The following ARHGAP40 variants were observed in gnomAD, a reference collection of about 807,000 sequenced individuals.
ARHGAP40 encodes the protein rho GTPase-activating protein 40.
ARHGAP40 carries 43 observed loss-of-function variants against 73.5 expected under a neutral mutation model. The observed-to-expected ratio is 0.58, with a 90% confidence interval of 0.46 to 0.75. The LOEUF is 0.75. Among genes scored for constraint, ARHGAP40 ranks in the 30% least tolerant of loss-of-function variants. ARHGAP40 has a pLI of 0.00. For synonymous variants in ARHGAP40, 300 were observed against 352.8 expected (o/e 0.85, Z 1.68); for missense variants, 734 against 861.8 (o/e 0.85, Z 1.86).
rs1214271136 is a variant in ARHGAP40, at chr20:38,629,665, C to T, written c.783+15C>T. 5.4e-6 allele frequency: 7 copies of T among 1,304,682 alleles called. No individual in the cohort carries two copies. The highest frequency in any genetic ancestry group is 5.6e-5 in the East Asian group (1 of 18,008). The allele number at this position is 1,304,682 out of a possible 1,614,324, so 80.8% of individuals were successfully genotyped here. On this transcript the variant is annotated intron_variant, in intron 5 of 14. Transcript: ENST00000373345. ...GTTCCCTGCCGGTGAGGATGCTGTC[C>T]ACAGGGCTGGTTGGCTAGGTCCCCC...
chr20:38,611,863 C>G (rs543152760), intron 1 of ARHGAP40, among the ~76,000 whole-genome samples: 31 of 151,910 alleles, frequency 2.0e-4, no homozygotes, highest in Admixed American at 1.2e-3. Flanking sequence ...CACGAGCCAC[C>G]GTGCCTGGCC....
chr20:38,643,861 C>T lies in ARHGAP40; in HGVS notation c.1520C>T (p.Ala507Val). 7.7e-7 allele frequency: 1 copy of T among 1,305,288 alleles called. No individual in the cohort carries two copies. Among genetic ancestry groups the T allele is most frequent in the South Asian group, 1.2e-5 (1 of 81,022 alleles). 80.9% of individuals were successfully genotyped at this position (1,305,288 alleles called of 1,614,324 possible). A position where few individuals can be genotyped will look rare whatever the true frequency, so the allele number is the denominator to read the frequency against. ...AAGGAGAAGCAGCTGGCAGAAGGGGCAGCCGAGGTGGTGCAGATAATGGTG... is the reference window on the plus strand; with the variant it reads ...AAGGAGAAGCAGCTGGCAGAAGGGGTAGCCGAGGTGGTGCAGATAATGGTG... Residue 507 changes from alanine to valine, a missense_variant, in exon 11 of 15, where the codon GCA becomes GTA. Ala to Val is a moderately conservative substitution (Grantham distance 64, BLOSUM62 0). Coordinates refer to ENST00000373345, the Ensembl canonical transcript of ARHGAP40.
Position 38,646,274 on chromosome 20 carries a change from C to T in ARHGAP40, c.1710+87C>T, listed in dbSNP as rs2089052741. On this transcript the variant is annotated intron_variant, in intron 12 of 14. Coordinates refer to ENST00000373345, the Ensembl canonical transcript of ARHGAP40. The surrounding 1 kb of genome is among the most constrained non-coding windows in gnomAD (Gnocchi z 4.5). ...CGCGGTGCTTCCCTTCCTCCAGGTC[C>T]CCGCTACCGGGCTGCCAGCAACGGC... The T allele has an allele frequency of 1.7e-6, 2 of 1,188,782 alleles. No individual in the cohort carries two copies. Among genetic ancestry groups the T allele is most frequent in the African/African-American group, 3.2e-5 (2 of 62,640 alleles). 73.6% of individuals were successfully genotyped at this position (1,188,782 alleles called of 1,614,324 possible).
At chr20:38,608,053 A>G (rs1205491368) in intron 1 of ARHGAP40, among the ~76,000 whole-genome samples, 1 of 152,088 alleles carries the variant, frequency 6.6e-6, no homozygotes, top group Non-Finnish European at 1.5e-5. Context: ...GACATTTTTT[A>G]TAGTGTCTTT....
At chr20:38,602,965 A>T (rs2088744375) in intron 1 of ARHGAP40, among the ~76,000 whole-genome samples, 1 of 152,266 alleles carries the variant, frequency 6.6e-6, no homozygotes, top group Admixed American at 6.5e-5. Flanking sequence ...GCAATACAGC[A>T]ATGAACATCT....
chr20:38,641,731 C>A lies in ARHGAP40; in HGVS notation c.1285C>A (p.Pro429Thr). Reference sequence around the variant, plus strand: ...AGGTCCCTCCCTTCCCGCAGACATCCCCAACCTGAAGCAGCGCCTGCAGGT... The same window carrying A: ...AGGTCCCTCCCTTCCCGCAGACATCACCAACCTGAAGCAGCGCCTGCAGGT... Residue 429 changes from proline to threonine, a missense_variant, in exon 10 of 15, where the codon CCC becomes ACC. By Grantham distance (38) the Pro-to-Thr change is conservative (BLOSUM62 -1). Coordinates refer to ENST00000373345, the Ensembl canonical transcript of ARHGAP40. 7.7e-7 allele frequency: 1 copy of A among 1,296,170 alleles called. No individual in the cohort carries two copies. Among genetic ancestry groups the A allele is most frequent in the South Asian group, 1.3e-5 (1 of 79,072 alleles). The allele number at this position is 1,296,170 out of a possible 1,614,324, so 80.3% of individuals were successfully genotyped here. A position where few individuals can be genotyped will look rare whatever the true frequency, so the allele number is the denominator to read the frequency against.
At chr20:38,607,082 C>T (rs891869585) in intron 1 of ARHGAP40, among the ~76,000 whole-genome samples, 1 of 152,150 alleles carries the variant, frequency 6.6e-6, no homozygotes, top group African/African-American at 2.4e-5. Context: ...CAGTGCCCAC[C>T]ATTTAGAAAT....
intron 3 of ARHGAP40, among the ~76,000 whole-genome samples, chr20:38,628,629 CT>C (rs754461684): frequency 4.6e-5 from 7 of 152,214 alleles, no homozygotes; most frequent in Non-Finnish European, 1.0e-4. Flanking sequence ...TTTATTGTCA[CT>C]GTGTATCCTG....
At chr20:38,638,080 C>T (rs565899105) in intron 7 of ARHGAP40, among the ~76,000 whole-genome samples, 21 of 151,308 alleles carry the variant, frequency 1.4e-4, no homozygotes, top group South Asian at 1.3e-3. Flanking sequence ...GAGGCCGAAG[C>T]GGGTGGATCA....
At chr20:38,604,243 C>T (rs920816657) in intron 1 of ARHGAP40, among the ~76,000 whole-genome samples, 3 of 152,158 alleles carry the variant, frequency 2.0e-5, no homozygotes, top group Non-Finnish European at 4.4e-5. Context: ...ATATTGAATT[C>T]ACTATAAGAG....
At chr20:38,628,425 C>T (rs1323655605) in intron 3 of ARHGAP40, among the ~76,000 whole-genome samples, 1 of 152,168 alleles carries the variant, frequency 6.6e-6, no homozygotes, top group Non-Finnish European at 1.5e-5. Context: ...CTGCCTCAGC[C>T]TGCCGAGTAG....
chr20:38,602,180 C>T (rs570528651), intron 1 of ARHGAP40, 101 bp downstream of exon 1: 4 of 1,181,972 alleles, frequency 3.4e-6, no homozygotes, highest in Admixed American at 3.3e-5. Context: ...GAATCTTCCT[C>T]CATCGTACAG....
chr20:38,603,729 G>A (rs180857119), intron 1 of ARHGAP40, among the ~76,000 whole-genome samples: 3 of 152,322 alleles, frequency 2.0e-5, no homozygotes, highest in Admixed American at 6.5e-5. Flanking sequence ...GGAGTCTGTA[G>A]GGGTGCATTC....
At chr20:38,623,234 T>C (rs1455877611) in intron 1 of ARHGAP40, 125 bp from the exon 2 acceptor site, 5 of 656,098 alleles carry the variant, frequency 7.6e-6, no homozygotes, top group South Asian at 1.9e-5. Context: ...CTGAGAAACA[T>C]GCCTAGGAAG....
chr20:38,629,575 A>G, exon 5 of ARHGAP40: 1 of 1,305,438 alleles, frequency 7.7e-7, no homozygotes, highest in Non-Finnish European at 1.0e-6. Context: ...CCTACTCAGA[A>G]CAAGCTGCGG....
intron 1 of ARHGAP40, among the ~76,000 whole-genome samples, chr20:38,606,887 G>C (rs2088773088): frequency 6.6e-6 from 1 of 152,176 alleles, no homozygotes; most frequent in African/African-American, 2.4e-5. Context: ...AATATGTCAG[G>C]GGTAGAAGGA....
chr20:38,634,523 C>T, intron 5 of ARHGAP40, 97 bp from the exon 6 acceptor site: 1 of 1,118,864 alleles, frequency 8.9e-7, no homozygotes, highest in Non-Finnish European at 1.2e-6. Flanking sequence ...CGCTGCTCTT[C>T]CTTCTGCCTA....
chr20:38,640,181 T>TTC (rs764876261), intron 9 of ARHGAP40, among the ~76,000 whole-genome samples: 57,698 of 122,790 alleles, frequency 0.47, 13,985 homozygotes, highest in South Asian at 0.55. Context: ...TTCTTTCTTC[T>TTC]TTTCTTCTTT....
chr20:38,649,722 TCC>T (rs2089076770), intron 14 of ARHGAP40, 33 bp from the exon 15 acceptor site: 1 of 1,258,754 alleles, frequency 7.9e-7, no homozygotes, highest in Non-Finnish European at 1.1e-6. Flanking sequence ...TCCTACAGCC[TCC>T]CACTCAACCT....
Sources: gnomAD v4.1 joint callset for allele counts (sites outside exome capture counted in the v4.1 genomes callset) on GRCh38, gnomAD v4.1.1 for gene constraint, Gnocchi (gnomAD v3.1) non-coding constraint, MANE v1.5 for transcripts, NCBI Gene and HGNC (gene_info 2026-07-23, HGNC 2026-07-21) for gene names.